The following ATXN1 variants were observed in gnomAD, a reference collection of about 807,000 sequenced individuals.
ATXN1 encodes ataxin 1.
A neutral mutation model predicts 56.4 loss-of-function variants in ATXN1; 8 were observed. The observed-to-expected ratio is 0.14, with a 90% CI of 0.08 to 0.26. The LOEUF (loss-of-function observed/expected upper bound fraction) is 0.26. Among genes scored for constraint, ATXN1 ranks in the 10% least tolerant of loss-of-function variants. ATXN1 has a pLI of 1.00. For missense variants in ATXN1, 987 were observed against 1,106.5 expected (o/e 0.89, Z 1.53); for synonymous variants, 514 against 494.6 (o/e 1.04, Z -0.52).
chr6:16,546,181 C>T (rs1352809256), intron 4 of ATXN1, among the ~76,000 whole-genome samples: 3 of 152,106 alleles, frequency 2.0e-5, no homozygotes, highest in African/African-American at 4.8e-5. Context: ...AAACATGTAC[C>T]AAAGACTCAC....
At chr6:16,729,294 G>T (rs1262916) in intron 2 of ATXN1, among the ~76,000 whole-genome samples, 40,348 of 152,102 alleles carry the variant, frequency 0.27, 5,686 homozygotes, top group African/African-American at 0.33. Context: ...GCTTTCCTGT[G>T]GGGTGAGCGG....
intron 3 of ATXN1, among the ~76,000 whole-genome samples, chr6:16,586,759 G>A (rs1762633269): frequency 6.6e-6 from 1 of 152,186 alleles, no homozygotes; most frequent in South Asian, 2.1e-4. Flanking sequence ...GGTGGCTCAT[G>A]CCTGTAATCC....
intron 5 of ATXN1, among the ~76,000 whole-genome samples, 162 bp downstream of exon 5, chr6:16,522,465 C>G (rs960985966): frequency 4.6e-5 from 7 of 151,924 alleles, no homozygotes; most frequent in African/African-American, 1.7e-4. Flanking sequence ...TCCAAAGGAC[C>G]CAGTGATGAG....
At chr6:16,365,955 C>T (rs1190271308) in intron 6 of ATXN1, among the ~76,000 whole-genome samples, 1 of 152,130 alleles carries the variant, frequency 6.6e-6, no homozygotes, top group Non-Finnish European at 1.5e-5. Context: ...TATCTAATCC[C>T]CATATCTACT....
intron 6 of ATXN1, among the ~76,000 whole-genome samples, chr6:16,440,674 A>G (rs1209935023): frequency 7.0e-6 from 1 of 142,894 alleles, no homozygotes; most frequent in Non-Finnish European, 1.6e-5. Context: ...AAAAAATTAA[A>G]GCGGGAATTC....
chr6:16,393,974 G>A (rs1036494301), intron 6 of ATXN1, among the ~76,000 whole-genome samples: 26 of 149,828 alleles, frequency 1.7e-4, no homozygotes, highest in African/African-American at 6.4e-4. Context: ...CAAATATCAT[G>A]GGTCTATGTT....
intron 6 of ATXN1, among the ~76,000 whole-genome samples, chr6:16,409,584 T>G (rs940176977): frequency 7.8e-5 from 11 of 141,606 alleles, no homozygotes; most frequent in Non-Finnish European, 1.5e-4. Context: ...ACCTGGGAGG[T>G]GGAGGCTACA....
At chr6:16,464,103 G>A (rs1760053048) in intron 6 of ATXN1, among the ~76,000 whole-genome samples, 1 of 152,310 alleles carries the variant, frequency 6.6e-6, no homozygotes, top group African/African-American at 2.4e-5. Flanking sequence ...TTAGAGGGGG[G>A]ATTGAGAGGT....
intron 3 of ATXN1, among the ~76,000 whole-genome samples, chr6:16,640,103 C>A (rs1401688855): frequency 6.6e-6 from 1 of 152,082 alleles, no homozygotes; most frequent in Non-Finnish European, 1.5e-5. Flanking sequence ...AACCCCGTGT[C>A]AAGCAACTCC....
At chr6:16,751,421 G>A (rs766303416) in intron 2 of ATXN1, among the ~76,000 whole-genome samples, 41 of 152,276 alleles carry the variant, frequency 2.7e-4, no homozygotes, top group South Asian at 1.0e-3. Flanking sequence ...CAAGAGTATC[G>A]TGTCTGTGAT....
intron 3 of ATXN1, among the ~76,000 whole-genome samples, chr6:16,630,974 G>A (rs1400970312): frequency 6.6e-6 from 1 of 152,174 alleles, no homozygotes; most frequent in African/African-American, 2.4e-5. Flanking sequence ...GTTGGCTTAT[G>A]AAGGACCCTT....
chr6:16,405,009 C>T (rs1758657498), intron 6 of ATXN1, among the ~76,000 whole-genome samples: 1 of 152,196 alleles, frequency 6.6e-6, no homozygotes, highest in Non-Finnish European at 1.5e-5. Flanking sequence ...TGTTTGGGTA[C>T]TTTCTCAGAA....
chr6:16,523,515 T>C (rs1470155169), intron 4 of ATXN1, among the ~76,000 whole-genome samples: 3 of 152,186 alleles, frequency 2.0e-5, no homozygotes, highest in Admixed American at 2.0e-4. Context: ...TGGATTAAAA[T>C]GTTGTGTTTT....
chr6:16,611,459 G>GT, intron 3 of ATXN1, among the ~76,000 whole-genome samples: 1 of 152,232 alleles, frequency 6.6e-6, no homozygotes, highest in Non-Finnish European at 1.5e-5. Context: ...TAGAATAAGC[G>GT]TATCAACATT....
intron 3 of ATXN1, among the ~76,000 whole-genome samples, chr6:16,597,275 A>G (rs570800455): frequency 6.6e-6 from 1 of 152,312 alleles, no homozygotes; most frequent in Admixed American, 6.5e-5. Flanking sequence ...ACATAGGTAC[A>G]TGCTCACCCT....
intron 3 of ATXN1, among the ~76,000 whole-genome samples, chr6:16,592,527 C>G (rs984969147): frequency 2.0e-5 from 3 of 152,098 alleles, no homozygotes; most frequent in African/African-American, 7.2e-5. Context: ...ACTGTTGGGA[C>G]AATGAATATG....
At chr6:16,368,284 A>C (rs1463942368) in intron 6 of ATXN1, among the ~76,000 whole-genome samples, 1 of 151,328 alleles carries the variant, frequency 6.6e-6, no homozygotes, top group Admixed American at 6.6e-5. Context: ...CTTACCTCTC[A>C]AAACCACTTT....
intron 6 of ATXN1, among the ~76,000 whole-genome samples, chr6:16,445,562 G>A (rs747513010): frequency 1.3e-4 from 20 of 151,488 alleles, no homozygotes; most frequent in Admixed American, 2.6e-4. Flanking sequence ...TAGGGTACAT[G>A]TGCACAATGT....
chr6:16,397,363 A>G (rs925044830), intron 6 of ATXN1, among the ~76,000 whole-genome samples: 1 of 152,066 alleles, frequency 6.6e-6, no homozygotes, highest in Non-Finnish European at 1.5e-5. Context: ...CTCCACCTCC[A>G]AGTGATTCTC....
Sources: allele counts gnomAD v4.1 joint callset (sites outside exome capture counted in the v4.1 genomes callset), GRCh38; gene constraint gnomAD v4.1.1; transcripts MANE v1.5; gene names NCBI Gene and HGNC (gene_info 2026-07-23, HGNC 2026-07-21).